PHACTR3: variants seen among roughly 807,000 people sequenced by gnomAD.
The protein encoded by PHACTR3 is protein phosphatase 1, regulatory subunit 123.
PHACTR3 carries 16 observed loss-of-function variants against 66.8 expected under a neutral mutation model. That is an observed-to-expected ratio of 0.24 (90% confidence interval 0.16 to 0.36). The LOEUF (loss-of-function observed/expected upper bound fraction) is 0.36. PHACTR3 is among the 10% of genes least tolerant of loss of function. The pLI is 1.00. For missense variants in PHACTR3, 647 were observed against 719.9 expected, an observed-to-expected ratio of 0.90 and a Z score of 1.16; for synonymous variants, 323 against 292.1, an observed-to-expected ratio of 1.11 and a Z score of -1.08.
chr20:59,602,439 CAAAAA>C (rs11477953), upstream of PHACTR3, among the ~76,000 whole-genome samples: 2 of 86,002 alleles, frequency 2.3e-5, no homozygotes, highest in Admixed American at 1.1e-4. Context: ...AAAACTCTTT[CAAAAA>C]AAAAAAAAAA....
intron 4 of PHACTR3, among the ~76,000 whole-genome samples, chr20:59,762,099 G>C (rs982010630): frequency 6.6e-6 from 1 of 152,220 alleles, no homozygotes; most frequent in African/African-American, 2.4e-5. Flanking sequence ...GGAGAGAGGA[G>C]ATGCTGAAAA....
At chr20:59,599,031 A>G (rs111412391) in intron 1 of PHACTR3, among the ~76,000 whole-genome samples, 101 of 152,284 alleles carry the variant, frequency 6.6e-4, no homozygotes, top group African/African-American at 2.3e-3. Flanking sequence ...AGTTATTTTT[A>G]CATTAAGCAT....
chr20:59,808,280 C>T (rs111592899), intron 8 of PHACTR3, among the ~76,000 whole-genome samples: 4,619 of 152,336 alleles, frequency 0.03, 224 homozygotes, highest in African/African-American at 0.1. Context: ...TGCCAAGAGC[C>T]ACTGAGCAGG....
rs560998376 is a variant in PHACTR3 at position 59,662,469 on chromosome 20, T to C, written c.118+57337T>C. 2.6e-3 allele frequency among the ~76,000 whole-genome samples: 390 copies of C among 152,126 alleles called. 2 individuals carry two copies. Among genetic ancestry groups the C allele is most frequent in the Non-Finnish European group, 4.0e-3 (275 of 67,992 alleles). On this transcript the variant is annotated intron_variant, in intron 1 of 12. Transcript: ENST00000371015. The stretch of plus-strand genomic sequence containing the variant: ...GTCCTGAGCAGGAGAGAGCAGGATG[T>C]ATGGACCAACGAAAGGCCCATGAGT...
chr20:59,770,032 C>T (rs1343109430), intron 5 of PHACTR3, among the ~76,000 whole-genome samples: 1 of 152,170 alleles, frequency 6.6e-6, no homozygotes, highest in Non-Finnish European at 1.5e-5. Flanking sequence ...TGTTCCTGGC[C>T]CTCAATAACT....
intron 1 of PHACTR3, among the ~76,000 whole-genome samples, chr20:59,680,992 A>G (rs906559514): frequency 3.3e-5 from 5 of 152,188 alleles, no homozygotes; most frequent in African/African-American, 1.2e-4. Context: ...ACCCTGCAGG[A>G]TGCTGTGGCA....
At chr20:59,635,160 TCTTTCTTTC>T (rs1159583946) in intron 1 of PHACTR3, among the ~76,000 whole-genome samples, 4 of 67,254 alleles carry the variant, frequency 5.9e-5, no homozygotes, top group East Asian at 1.8e-3. Context: ...TTTCTTTCTT[TCTTTCTTTC>T]CTTTCTTTCT....
At chr20:59,611,174 TAA>T (rs1198203833) in intron 1 of PHACTR3, among the ~76,000 whole-genome samples, 1 of 152,246 alleles carries the variant, frequency 6.6e-6, no homozygotes. Flanking sequence ...TCCTTTAATG[TAA>T]AATGGTAGGC....
intron 1 of PHACTR3, among the ~76,000 whole-genome samples, chr20:59,726,288 A>G (rs1413523591): frequency 2.0e-5 from 3 of 152,210 alleles, no homozygotes; most frequent in East Asian, 3.9e-4. Flanking sequence ...TGGCCCCCCA[A>G]TCCTACTTCT....
intron 4 of PHACTR3, among the ~76,000 whole-genome samples, chr20:59,756,618 C>T (rs867560950): frequency 6.6e-6 from 1 of 152,020 alleles, no homozygotes; most frequent in Non-Finnish European, 1.5e-5. Flanking sequence ...CAGAGGCCCC[C>T]TCCACACACA....
intron 8 of PHACTR3, among the ~76,000 whole-genome samples, chr20:59,811,512 A>C (rs558148886): frequency 1.3e-5 from 2 of 152,286 alleles, no homozygotes; most frequent in South Asian, 4.1e-4. Context: ...TACAAAAATT[A>C]GCCAGGCGTG....
chr20:59,760,091 G>A (rs1428830816), intron 4 of PHACTR3, among the ~76,000 whole-genome samples: 2 of 152,100 alleles, frequency 1.3e-5, no homozygotes, highest in African/African-American at 2.4e-5. Flanking sequence ...TCATCAAAAA[G>A]CACAAGGGGC....
chr20:59,703,891 A>G (rs2037601152), intron 1 of PHACTR3, among the ~76,000 whole-genome samples: 1 of 152,122 alleles, frequency 6.6e-6, no homozygotes, highest in Non-Finnish European at 1.5e-5. Flanking sequence ...TCTATATTTG[A>G]TTTTGTGTCC....
chr20:59,577,715 C>G (rs1329728291), intron 1 of PHACTR3: 1 of 877,612 alleles, frequency 1.1e-6, no homozygotes, highest in Non-Finnish European at 1.4e-6. Context: ...ATCCCTTGCC[C>G]TTGGCCGTTG....
At chr20:59,619,988 G>A (rs995723472) in intron 1 of PHACTR3, among the ~76,000 whole-genome samples, 3 of 152,140 alleles carry the variant, frequency 2.0e-5, no homozygotes, top group Non-Finnish European at 2.9e-5. Context: ...GGGCCCTTGT[G>A]ACTGTTTTCA....
intron 1 of PHACTR3, among the ~76,000 whole-genome samples, chr20:59,694,406 T>C (rs910077011): frequency 6.6e-6 from 1 of 151,848 alleles, no homozygotes; most frequent in Non-Finnish European, 1.5e-5. Context: ...TATTATATCA[T>C]TGGCACCTAG....
chr20:59,750,497 G>A (rs2039538824), intron 3 of PHACTR3, among the ~76,000 whole-genome samples: 1 of 152,150 alleles, frequency 6.6e-6, no homozygotes, highest in Non-Finnish European at 1.5e-5. Context: ...GCAAGCACAA[G>A]TCCCCGCGGT....
intron 1 of PHACTR3, among the ~76,000 whole-genome samples, chr20:59,670,827 T>C (rs1285698300): frequency 6.6e-6 from 1 of 152,114 alleles, no homozygotes; most frequent in African/African-American, 2.4e-5. Context: ...GTGGTTTCTG[T>C]CTCCAGAACG....
At chr20:59,656,857 C>A (rs1172997696) in intron 1 of PHACTR3, among the ~76,000 whole-genome samples, 1 of 151,804 alleles carries the variant, frequency 6.6e-6, no homozygotes, top group Non-Finnish European at 1.5e-5. Context: ...TATCAGAATT[C>A]TTCAGATTCA....
Sources: allele counts gnomAD v4.1 joint callset (sites outside exome capture counted in the v4.1 genomes callset), GRCh38; gene constraint gnomAD v4.1.1; transcripts MANE v1.5; gene names NCBI Gene and HGNC (gene_info 2026-07-23, HGNC 2026-07-21).